CAMK4: variants seen among roughly 807,000 people sequenced by gnomAD.
CAMK4 encodes the protein calcium/calmodulin dependent protein kinase IV.
In CAMK4, 22 loss-of-function variants were observed where a neutral mutation model predicts 44.9. That is an observed-to-expected ratio of 0.49 (90% CI 0.35 to 0.70). The LOEUF is 0.70. Among genes scored for constraint, CAMK4 ranks in the 30% least tolerant of loss-of-function variants. The pLI is 0.01. For synonymous variants in CAMK4, 218 were observed against 215.4 expected (o/e 1.01, Z -0.11); for missense variants, 498 against 586.8 (o/e 0.85, Z 1.56).
intron 4 of CAMK4, among the ~76,000 whole-genome samples, chr5:111,380,460 AAATCT>A (rs1433880640): frequency 6.6e-6 from 1 of 152,120 alleles, no homozygotes; most frequent in Non-Finnish European, 1.5e-5. Flanking sequence ...CCCAAATATT[AAATCT>A]AATATCCACT....
chr5:111,349,440 A>G lies in CAMK4; in HGVS notation c.240+5338A>G, dbSNP rs1750002432. 2.6e-5 allele frequency among the ~76,000 whole-genome samples: 4 copies of G among 152,026 alleles called. No homozygotes were observed. In the South Asian group the frequency reaches 6.2e-4, roughly 24 times the overall value. ...TTGGGTCTTTAAGGGATTTTGACAG[A>G]CATGGCTAGTGGGGACAACCAGTGT... On this transcript the variant is annotated intron_variant, in intron 2 of 10. Transcript: ENST00000282356.
intron 7 of CAMK4, among the ~76,000 whole-genome samples, chr5:111,469,175 ATATATATATATAT>A (rs1754973372): frequency 3.5e-5 from 1 of 28,488 alleles, no homozygotes; most frequent in East Asian, 6.8e-4. Flanking sequence ...AAAAAAAAAT[ATATATATATATAT>A]ATATATATAT....
At chr5:111,361,448 A>C (rs1180372553) in intron 2 of CAMK4, among the ~76,000 whole-genome samples, 1 of 151,994 alleles carries the variant, frequency 6.6e-6, no homozygotes, top group African/African-American at 2.4e-5. Context: ...CCTATATTTC[A>C]TTATTTTCAT....
chr5:111,443,243 C>CATATATAT (rs1232548245), intron 5 of CAMK4, among the ~76,000 whole-genome samples: 42 of 72,212 alleles, frequency 5.8e-4, no homozygotes, highest in African/African-American at 1.3e-3. Flanking sequence ...CTCCCCCTAC[C>CATATATAT]ATATATATAT....
intron 5 of CAMK4, among the ~76,000 whole-genome samples, chr5:111,407,166 A>C (rs1752465269): frequency 6.6e-6 from 1 of 152,106 alleles, no homozygotes; most frequent in African/African-American, 2.4e-5. Flanking sequence ...AGCCTGGCCA[A>C]GATGGTGAAA....
At chr5:111,388,802 A>G (rs1751696765) in intron 4 of CAMK4, among the ~76,000 whole-genome samples, 1 of 152,212 alleles carries the variant, frequency 6.6e-6, no homozygotes, top group South Asian at 2.1e-4. Flanking sequence ...ATCTGTTGGA[A>G]TGCATCCTCT....
At chr5:111,333,331 AAAGG>A (rs1271436167) in intron 1 of CAMK4, among the ~76,000 whole-genome samples, 1 of 151,690 alleles carries the variant, frequency 6.6e-6, no homozygotes, top group Non-Finnish European at 1.5e-5. Flanking sequence ...TCACAGAAAA[AAAGG>A]AAAATAAACT....
chr5:111,284,633 G>T (rs1751167418), intron 1 of CAMK4, among the ~76,000 whole-genome samples: 1 of 152,162 alleles, frequency 6.6e-6, no homozygotes, highest in South Asian at 2.1e-4. Flanking sequence ...CTTCCCTGGA[G>T]CACAGCAGAA....
chr5:111,269,474 T>C (rs1189713088), intron 1 of CAMK4, among the ~76,000 whole-genome samples: 3 of 152,122 alleles, frequency 2.0e-5, no homozygotes, highest in African/African-American at 7.2e-5. Context: ...CCAGTCCACA[T>C]CATCTGGACC....
chr5:111,415,139 C>T (rs866391759), intron 5 of CAMK4, among the ~76,000 whole-genome samples: 3 of 152,166 alleles, frequency 2.0e-5, no homozygotes, highest in African/African-American at 7.2e-5. Context: ...ACTAAAATTA[C>T]TAAATGAAAA....
chr5:111,242,614 T>C (rs1041515423), intron 1 of CAMK4, among the ~76,000 whole-genome samples: 5 of 152,116 alleles, frequency 3.3e-5, no homozygotes, highest in Non-Finnish European at 5.9e-5. Flanking sequence ...CTAAAATCCT[T>C]TAACATCTTC....
chr5:111,331,595 G>T (rs1749170227), intron 1 of CAMK4, among the ~76,000 whole-genome samples: 1 of 151,554 alleles, frequency 6.6e-6, no homozygotes, highest in South Asian at 2.1e-4. Flanking sequence ...CTATTCTTTT[G>T]CCTTTGTTAG....
At chr5:111,325,776 G>T (rs1286684611) in intron 1 of CAMK4, among the ~76,000 whole-genome samples, 1 of 151,746 alleles carries the variant, frequency 6.6e-6, no homozygotes, top group Non-Finnish European at 1.5e-5. Context: ...CTCTATATTA[G>T]ACCTTTGTCA....
At chr5:111,374,729 G>A (rs967474126) in intron 2 of CAMK4, 121 bp from the exon 3 acceptor site, 37 of 654,026 alleles carry the variant, frequency 5.7e-5, no homozygotes, top group Admixed American at 2.6e-4. Flanking sequence ...ACACACAAAA[G>A]CTAAGGAATT....
chr5:111,259,653 A>T (rs917258568), intron 1 of CAMK4, among the ~76,000 whole-genome samples: 3 of 152,194 alleles, frequency 2.0e-5, no homozygotes. Flanking sequence ...AAAAAATGCC[A>T]AACTTATATG....
intron 1 of CAMK4, among the ~76,000 whole-genome samples, chr5:111,297,621 G>A (rs1747541751): frequency 6.6e-6 from 1 of 151,858 alleles, no homozygotes; most frequent in Non-Finnish European, 1.5e-5. Context: ...ATATTTTGTT[G>A]CCCCTTTAAA....
chr5:111,232,218 G>T (rs1378913374), intron 1 of CAMK4, among the ~76,000 whole-genome samples: 1 of 151,948 alleles, frequency 6.6e-6, no homozygotes, highest in African/African-American at 2.4e-5. Context: ...AGTGCATAGG[G>T]TACTACTAAT....
At position 111,371,799 on chromosome 5, in the gene CAMK4, T is replaced by A. The variant is rs1173019161; in HGVS notation, c.241-3051T>A. ...TGTCAGTAAATTATTTATCCCAGTT[T>A]CTATTCCAACCATTCATATTGGCTA... On this transcript the variant is annotated intron_variant, in intron 2 of 10. Transcript: ENST00000282356. Among the ~76,000 whole-genome samples the A allele has an allele frequency of 2.0e-5, 3 of 152,332 alleles. No individual in the cohort carries two copies. The East Asian group carries it at 5.8e-4, about 29-fold the overall frequency.
chr5:111,467,025 A>T (rs531570489), intron 7 of CAMK4, among the ~76,000 whole-genome samples: 1 of 152,280 alleles, frequency 6.6e-6, no homozygotes, highest in South Asian at 2.1e-4. Flanking sequence ...GAGAACCCAG[A>T]AATAAATTGA....
Sources: gnomAD v4.1 joint callset for allele counts (sites outside exome capture counted in the v4.1 genomes callset) on GRCh38, gnomAD v4.1.1 for gene constraint, MANE v1.5 for transcripts, NCBI Gene and HGNC (gene_info 2026-07-23, HGNC 2026-07-21) for gene names.